NLGN1: variants seen among roughly 807,000 people sequenced by gnomAD.
The protein encoded by NLGN1 is neuroligin 1, also known as neuroligin-1.
Under a neutral mutation model 65.5 loss-of-function variants are expected in NLGN1, and 12 were observed. That is an observed-to-expected ratio of 0.18 (90% CI 0.12 to 0.30). The LOEUF is 0.30. Ranked by LOEUF, NLGN1 falls within the 10% of genes least tolerant of loss-of-function variation. NLGN1 has a pLI of 1.00. For missense variants in NLGN1, 750 were observed against 1,007.1 expected, an observed-to-expected ratio of 0.74 and a Z score of 3.46; for synonymous variants, 350 against 359.5, an observed-to-expected ratio of 0.97 and a Z score of 0.30.
chr3:173,510,610 AG>A (rs1285693273), intron 2 of NLGN1, among the ~76,000 whole-genome samples: 1 of 152,220 alleles, frequency 6.6e-6, no homozygotes, highest in African/African-American at 2.4e-5. Flanking sequence ...AGTTCTTGCA[AG>A]AATGATAGTA....
chr3:173,563,142 T>A (rs1743053771), intron 2 of NLGN1, among the ~76,000 whole-genome samples: 1 of 152,222 alleles, frequency 6.6e-6, no homozygotes, highest in Non-Finnish European at 1.5e-5. Flanking sequence ...AATACATTTT[T>A]CTTATGAATT....
chr3:173,554,200 T>C (rs1741352308), intron 2 of NLGN1, among the ~76,000 whole-genome samples: 1 of 152,210 alleles, frequency 6.6e-6, no homozygotes, highest in Admixed American at 6.5e-5. Flanking sequence ...ACTAGCAGTT[T>C]CCAAAACTAA....
intron 4 of NLGN1, among the ~76,000 whole-genome samples, chr3:173,929,276 G>T (rs1207677392): frequency 6.6e-6 from 1 of 152,154 alleles, no homozygotes. Context: ...ACCATTGCAG[G>T]ATGATCAGCT....
intron 2 of NLGN1, among the ~76,000 whole-genome samples, chr3:173,529,149 A>T (rs1736127908): frequency 6.6e-6 from 1 of 152,112 alleles, no homozygotes; most frequent in Admixed American, 6.5e-5. Flanking sequence ...CACCTTGAGG[A>T]TGTGACTGTA....
At position 173,960,780 on chromosome 3, in the gene NLGN1, C is replaced by T. The variant is rs571347692; in HGVS notation, c.646+152948C>T. ...AAGACAACTTATTTTTTTTTTCAGT[C>T]CTCTAATATTTCTGTCCATCTACAC... On this transcript the variant is annotated intron_variant, in intron 4 of 6. Transcript: ENST00000457714. Among the ~76,000 whole-genome samples, 87 of 148,566 alleles carry T rather than the reference C, an allele frequency of 5.9e-4. No homozygotes were observed. The East Asian group carries it at 0.01, about 18-fold the overall frequency.
At chr3:173,968,687 C>CTTTT (rs34662762) in intron 4 of NLGN1, among the ~76,000 whole-genome samples, 10 of 59,474 alleles carry the variant, frequency 1.7e-4, no homozygotes, top group South Asian at 8.2e-4. Context: ...TGAAAATAAT[C>CTTTT]TTTTTTTTTT....
intron 4 of NLGN1, among the ~76,000 whole-genome samples, chr3:174,031,789 A>G (rs1730091407): frequency 6.6e-6 from 1 of 152,144 alleles, no homozygotes. Flanking sequence ...AAACTTTGCC[A>G]GAATTTAAGG....
intron 4 of NLGN1, among the ~76,000 whole-genome samples, chr3:174,160,483 T>G (rs1726281010): frequency 6.6e-6 from 1 of 151,722 alleles, no homozygotes; most frequent in South Asian, 2.1e-4. Flanking sequence ...AAGAATATGT[T>G]TCTTATTTAG....
chr3:173,608,272 A>G (rs1345045238), intron 3 of NLGN1, among the ~76,000 whole-genome samples: 7 of 151,844 alleles, frequency 4.6e-5, no homozygotes, highest in Non-Finnish European at 8.8e-5. Context: ...GTTTTTTAAT[A>G]TTTCCCATGA....
intron 4 of NLGN1, among the ~76,000 whole-genome samples, chr3:174,101,784 A>T (rs1443249438): frequency 6.6e-6 from 1 of 152,194 alleles, no homozygotes; most frequent in Non-Finnish European, 1.5e-5. Flanking sequence ...CTGACTAAAA[A>T]ATGAATGAAA....
chr3:174,157,509 T>G (rs1243497311), intron 4 of NLGN1, among the ~76,000 whole-genome samples: 1 of 151,756 alleles, frequency 6.6e-6, no homozygotes, highest in African/African-American at 2.4e-5. Context: ...TTTGAATTTT[T>G]CTACCAACGA....
At chr3:173,894,613 C>T (rs936559111) in intron 4 of NLGN1, among the ~76,000 whole-genome samples, 26 of 147,844 alleles carry the variant, frequency 1.8e-4, no homozygotes, top group Non-Finnish European at 1.8e-4. Flanking sequence ...TAATAAATTT[C>T]TTTTCTTTTT....
chr3:173,726,939 CCA>C (rs1771899819), intron 3 of NLGN1, among the ~76,000 whole-genome samples: 2 of 49,838 alleles, frequency 4.0e-5, no homozygotes, highest in Admixed American at 2.7e-4. Context: ...CATTTCCTTA[CCA>C]AAAAAAAAAA....
At chr3:173,803,636 A>G (rs956950237) in intron 3 of NLGN1, among the ~76,000 whole-genome samples, 4 of 150,570 alleles carry the variant, frequency 2.7e-5, no homozygotes, top group Non-Finnish European at 5.9e-5. Flanking sequence ...AATTTTATAT[A>G]CTATATAGTT....
intron 2 of NLGN1, among the ~76,000 whole-genome samples, chr3:173,461,267 A>G (rs547520810): frequency 1.3e-5 from 2 of 152,282 alleles, no homozygotes; most frequent in South Asian, 4.1e-4. Flanking sequence ...CACTAGGGGA[A>G]TTTTATATTC....
chr3:173,701,159 G>T (rs538209160), intron 3 of NLGN1, among the ~76,000 whole-genome samples: 1 of 152,166 alleles, frequency 6.6e-6, no homozygotes, highest in African/African-American at 2.4e-5. Flanking sequence ...TGCTGTTGAA[G>T]TTGGTCTAAA....
chr3:174,173,693 T>C (rs1019091584), intron 4 of NLGN1, among the ~76,000 whole-genome samples: 1 of 151,110 alleles, frequency 6.6e-6, no homozygotes, highest in Admixed American at 6.6e-5. Flanking sequence ...GAAGATCTTT[T>C]GTGTGTGTGT....
intron 4 of NLGN1, among the ~76,000 whole-genome samples, chr3:174,262,783 T>A (rs1352445402): frequency 1.6e-4 from 13 of 83,534 alleles, no homozygotes; most frequent in Non-Finnish European, 2.8e-4. Flanking sequence ...TGTTAGGGTG[T>A]CAATTTTGGA....
chr3:174,211,755 A>C (rs1214582627), intron 4 of NLGN1, among the ~76,000 whole-genome samples: 1 of 149,872 alleles, frequency 6.7e-6, no homozygotes, highest in Admixed American at 6.6e-5. Context: ...AGGTTTTCCA[A>C]GGCCCCACCA....
Sources: allele counts gnomAD v4.1 joint callset (sites outside exome capture counted in the v4.1 genomes callset), GRCh38; gene constraint gnomAD v4.1.1; transcripts MANE v1.5; gene names NCBI Gene and HGNC (gene_info 2026-07-23, HGNC 2026-07-21).